PIK3C2G: variants seen among roughly 807,000 people sequenced by gnomAD.
PIK3C2G encodes the protein phosphatidylinositol 3-kinase C2 domain-containing subunit gamma.
A neutral mutation model predicts 181.1 loss-of-function variants in PIK3C2G; 168 were observed. The ratio of observed to expected loss-of-function variants is 0.93; its 90% CI spans 0.82 to 1.05. PIK3C2G has a LOEUF of 1.05. Among genes scored for constraint, PIK3C2G ranks in the 50% least tolerant of loss-of-function variants. The pLI, the probability that PIK3C2G is intolerant of heterozygous loss-of-function variation, is 0.00. For synonymous variants in PIK3C2G, 573 were observed against 592.2 expected, an observed-to-expected ratio of 0.97 and a Z score of 0.47; for missense variants, 1,869 against 1,732.8, an observed-to-expected ratio of 1.08 and a Z score of -1.40.
chr12:18,303,564 G>A (rs1950300369), intron 5 of PIK3C2G, among the ~76,000 whole-genome samples: 1 of 152,098 alleles, frequency 6.6e-6, no homozygotes, highest in Admixed American at 6.6e-5. Flanking sequence ...CTCATCTCCA[G>A]TGATCAGCCC....
At chr12:18,471,374 AC>A (rs1417995777) in intron 18 of PIK3C2G, among the ~76,000 whole-genome samples, 1 of 152,136 alleles carries the variant, frequency 6.6e-6, no homozygotes. Context: ...CCCCGGTGCT[AC>A]CTATAGAACA....
chr12:18,499,443 T>C (rs1328021457), intron 22 of PIK3C2G, among the ~76,000 whole-genome samples: 1 of 152,208 alleles, frequency 6.6e-6, no homozygotes, highest in Non-Finnish European at 1.5e-5. Context: ...GAGAGTAAAC[T>C]CCAGTTTCCA....
the PIK3C2G span, among the ~76,000 whole-genome samples, chr12:18,670,200 A>C: frequency 2.9e-3 from 449 of 152,282 alleles, 4 homozygotes; most frequent in African/African-American, 9.9e-3. Context: ...GATCAATATA[A>C]AAATGAAATG....
intron 16 of PIK3C2G, among the ~76,000 whole-genome samples, chr12:18,407,785 G>A (rs1944622183): frequency 6.6e-6 from 1 of 152,108 alleles, no homozygotes; most frequent in Non-Finnish European, 1.5e-5. Flanking sequence ...GAAAGATTAA[G>A]AGAAGGATTT....
intron 10 of PIK3C2G, among the ~76,000 whole-genome samples, chr12:18,346,274 T>C (rs1040402965): frequency 6.6e-6 from 1 of 152,234 alleles, no homozygotes; most frequent in Non-Finnish European, 1.5e-5. Context: ...GATGTACTTA[T>C]AAGCCATCTA....
intron 16 of PIK3C2G, among the ~76,000 whole-genome samples, chr12:18,418,035 A>G (rs766393414): frequency 5.3e-5 from 8 of 152,226 alleles, no homozygotes; most frequent in Non-Finnish European, 8.8e-5. Context: ...AATTATTATC[A>G]TCATGATCAA....
chr12:18,491,359 A>T, intron 19 of PIK3C2G, 92 bp from the exon 20 acceptor site: 1 of 694,386 alleles, frequency 1.4e-6, no homozygotes. Context: ...GAATTCAAGA[A>T]TTCATTTAAT....
At chr12:18,524,204 C>CA (rs1555112557) in intron 24 of PIK3C2G, among the ~76,000 whole-genome samples, 1 of 152,186 alleles carries the variant, frequency 6.6e-6, no homozygotes, top group Non-Finnish European at 1.5e-5. Flanking sequence ...GCCTCCAACT[C>CA]ACATTTGTCT....
At chr12:18,488,676 CTTAAA>C in intron 19 of PIK3C2G, 47 bp downstream of exon 19, 1 of 1,184,256 alleles carries the variant, frequency 8.4e-7, no homozygotes, top group Non-Finnish European at 1.1e-6. Flanking sequence ...TTAACTTTGG[CTTAAA>C]TTAAGTTTTA....
chr12:18,608,779 T>G (rs1565558375), intron 30 of PIK3C2G, among the ~76,000 whole-genome samples: 1 of 151,974 alleles, frequency 6.6e-6, no homozygotes, highest in Non-Finnish European at 1.5e-5. Flanking sequence ...GCTGAGAAAT[T>G]TAGACCTTTT....
At chr12:18,602,631 T>C (rs1947795993) in intron 30 of PIK3C2G, among the ~76,000 whole-genome samples, 2 of 152,078 alleles carry the variant, frequency 1.3e-5, no homozygotes, top group Admixed American at 1.3e-4. Context: ...TTCCACCCTC[T>C]GCCACCTCAC....
At chr12:18,682,553 A>C in the PIK3C2G span, among the ~76,000 whole-genome samples, 6 of 152,108 alleles carry the variant, frequency 3.9e-5, no homozygotes, top group Non-Finnish European at 8.8e-5. Flanking sequence ...CTGACCAAGA[A>C]ACCATCTTGA....
At chr12:18,712,961 A>G in the PIK3C2G span, 1 of 1,613,958 alleles carries the variant, frequency 6.2e-7, no homozygotes, top group South Asian at 1.1e-5. Flanking sequence ...TCAATCTCCA[A>G]ACAACGGCAT....
intron 11 of PIK3C2G, among the ~76,000 whole-genome samples, chr12:18,350,090 G>A (rs1227239992): frequency 6.6e-6 from 1 of 152,116 alleles, no homozygotes; most frequent in Non-Finnish European, 1.5e-5. Flanking sequence ...ATATTCCAAG[G>A]AAGCCAAGAA....
chr12:18,545,295 G>GA (rs1250602477), intron 25 of PIK3C2G, among the ~76,000 whole-genome samples: 5 of 151,742 alleles, frequency 3.3e-5, no homozygotes, highest in East Asian at 2.0e-4. Flanking sequence ...GGGATGGTGG[G>GA]AAAAAAGAAT....
At chr12:18,611,269 A>G (rs377673326) in intron 31 of PIK3C2G, among the ~76,000 whole-genome samples, 3 of 152,082 alleles carry the variant, frequency 2.0e-5, no homozygotes, top group African/African-American at 7.2e-5. Context: ...AAAAATGTGA[A>G]AAAACACTTA....
chr12:18,424,123 T>C (rs995278274), intron 18 of PIK3C2G, 84 bp downstream of exon 18: 1 of 797,574 alleles, frequency 1.3e-6, no homozygotes, highest in African/African-American at 1.7e-5. Context: ...AGAATATTTC[T>C]TTACCTTATA....
At chr12:18,389,532 C>T (rs7977335) in intron 14 of PIK3C2G, among the ~76,000 whole-genome samples, 2,316 of 152,142 alleles carry the variant, frequency 0.015, 69 homozygotes, top group African/African-American at 0.053. Flanking sequence ...CTTTTCTCCT[C>T]AATTAAACTT....
the PIK3C2G span, among the ~76,000 whole-genome samples, chr12:18,720,051 G>C: frequency 6.6e-6 from 1 of 152,014 alleles, no homozygotes; most frequent in African/African-American, 2.4e-5. Context: ...ATCTGACTTC[G>C]AAAAGCATAG....
Sources: allele counts gnomAD v4.1 joint callset (sites outside exome capture counted in the v4.1 genomes callset), GRCh38; gene constraint gnomAD v4.1.1; transcripts MANE v1.5; gene names NCBI Gene and HGNC (gene_info 2026-07-23, HGNC 2026-07-21).